The following MEF2C variants were observed in gnomAD, a reference collection of about 807,000 sequenced individuals.
The protein encoded by MEF2C is myocyte enhancer factor 2C.
Under a neutral mutation model 50.5 loss-of-function variants are expected in MEF2C, and 6 were observed. The ratio of observed to expected loss-of-function variants is 0.12; its 90% CI spans 0.07 to 0.23. The LOEUF (loss-of-function observed/expected upper bound fraction) is 0.23, where lower values mean the gene tolerates loss of function less well. MEF2C is among the 10% of genes least tolerant of loss of function. The pLI is 1.00. For missense variants in MEF2C, 276 were observed against 605.0 expected, an observed-to-expected ratio of 0.46 and a Z score of 5.70; for synonymous variants, 183 against 228.0, an observed-to-expected ratio of 0.80 and a Z score of 1.78.
At chr5:88,806,123 T>G (rs1800348808) in intron 2 of MEF2C, among the ~76,000 whole-genome samples, 2 of 152,250 alleles carry the variant, frequency 1.3e-5, no homozygotes, top group South Asian at 4.1e-4. Context: ...TGAGGAGCAC[T>G]TACTATCACT....
chr5:88,738,159 A>G (rs1338232760), intron 6 of MEF2C: 1 of 985,192 alleles, frequency 1.0e-6, no homozygotes. Flanking sequence ...AACCCTACAG[A>G]GCCTTAGTTT....
chr5:88,774,936 C>A (rs1038349498), intron 3 of MEF2C, among the ~76,000 whole-genome samples: 1 of 152,204 alleles, frequency 6.6e-6, no homozygotes, highest in African/African-American at 2.4e-5. Flanking sequence ...TGCTGCAATG[C>A]CACTGTGTGC....
At chr5:88,836,046 A>G (rs920326430) in intron 1 of MEF2C, among the ~76,000 whole-genome samples, 2 of 152,098 alleles carry the variant, frequency 1.3e-5, no homozygotes, top group African/African-American at 4.8e-5. Context: ...TCTCTATTCC[A>G]AACCATTTCT....
At chr5:88,747,980 T>C in intron 6 of MEF2C, 2 of 889,656 alleles carry the variant, frequency 2.2e-6, no homozygotes, top group Non-Finnish European at 2.7e-6. Context: ...CTAATTTGGC[T>C]CGACCTAATT....
At chr5:88,734,561 G>GTTTTTT (rs1554103551) in intron 6 of MEF2C, 52 of 254,356 alleles carry the variant, frequency 2.0e-4, no homozygotes, top group African/African-American at 5.0e-4. Context: ...CTTGAGAAAA[G>GTTTTTT]TTTGTTTTTT....
At chr5:88,859,704 C>T (rs1273098020) in intron 1 of MEF2C, among the ~76,000 whole-genome samples, 5 of 152,252 alleles carry the variant, frequency 3.3e-5, no homozygotes, top group South Asian at 4.1e-4. Context: ...TTGCGCTCAA[C>T]GAGCAAAAAC....
intron 3 of MEF2C, among the ~76,000 whole-genome samples, chr5:88,763,238 G>A (rs574516159): frequency 5.3e-5 from 8 of 152,090 alleles, no homozygotes; most frequent in Non-Finnish European, 1.2e-4. Context: ...TACAATCTTG[G>A]GGAATTTATA....
chr5:88,752,889 T>A (rs967560129), intron 4 of MEF2C: 3 of 398,736 alleles, frequency 7.5e-6, no homozygotes, highest in African/African-American at 6.5e-5. Context: ...TACTTTTTTT[T>A]AAGCATTACG....
intron 1 of MEF2C, among the ~76,000 whole-genome samples, chr5:88,843,810 T>TC (rs1818312433): frequency 2.7e-5 from 4 of 150,430 alleles, no homozygotes; most frequent in Non-Finnish European, 5.9e-5. Flanking sequence ...TGAAACTTTT[T>TC]TTTTTTTTTT....
At position 88,761,223 on chromosome 5, in the gene MEF2C, C is replaced by T; in HGVS notation, c.364G>A (p.Glu122Lys). Residue 122 changes from glutamate to lysine, a missense_variant, in exon 4 of 11, where the codon GAA becomes AAA. Around this residue, in one of 2 missense-constraint regions of MEF2C, gnomAD observed 256 missense variants for 468.1 expected, o/e 0.55. Transcript: ENST00000504921. ...ESEDKYRKINEDIDLMISRQR... is the reference protein window; with the variant it reads ...ESEDKYRKINKDIDLMISRQR... The stretch of plus-strand genomic sequence containing the variant: ...CTGCTGATCATTAGATCAATATCTT[C>T]GTTAATTTTCCTGTACTTGTCCTCA... 6.2e-7 allele frequency: 1 copy of T among 1,613,976 alleles called. No individual in the cohort carries two copies. The highest frequency in any genetic ancestry group is 8.5e-7 in the Non-Finnish European group (1 of 1,179,894).
At chr5:88,903,581 A>T (rs1229144384) in intron 1 of MEF2C, among the ~76,000 whole-genome samples, 1 of 152,096 alleles carries the variant, frequency 6.6e-6, no homozygotes, top group Non-Finnish European at 1.5e-5. Context: ...AAAGATTATG[A>T]CAGAATTAGA....
intron 1 of MEF2C, among the ~76,000 whole-genome samples, chr5:88,896,219 T>C (rs1055012472): frequency 6.6e-6 from 1 of 152,178 alleles, no homozygotes; most frequent in Non-Finnish European, 1.5e-5. Flanking sequence ...AAATTGTACA[T>C]TGCATTACCT....
chr5:88,776,004 T>G (rs1488736164), intron 3 of MEF2C: 1 of 162,486 alleles, frequency 6.2e-6, no homozygotes, highest in African/African-American at 2.4e-5. Flanking sequence ...TGAACCCTTT[T>G]TGTTGATATA....
At chr5:88,819,309 A>T (rs1807114607) in intron 2 of MEF2C, 1 of 982,336 alleles carries the variant, frequency 1.0e-6, no homozygotes, top group Non-Finnish European at 1.2e-6. Context: ...AATATGAGAG[A>T]TCCGGGCTCA....
At position 88,883,086 on chromosome 5, in the gene MEF2C, A is replaced by G. The variant is rs1833461605; in HGVS notation, c.-274T>C. ...TGAAGTGCTTCTCCACCTGATTCAA[A>G]CATGCAGCCACGGCGACCCACACAG... On this transcript the variant is annotated 5_prime_UTR_variant, in exon 1 of 11. Transcript: ENST00000504921. 6.6e-6 allele frequency: 1 copy of G among 152,516 alleles called. No individual in the cohort carries two copies. Among genetic ancestry groups the G allele is most frequent in the Admixed American group, 6.5e-5 (1 of 15,268 alleles). The allele number at this position is 152,516 out of a possible 1,614,324, so 9.4% of individuals were successfully genotyped here. A position where few individuals can be genotyped will look rare whatever the true frequency, so the allele number is the denominator to read the frequency against.
rs1826872447 is a variant in MEF2C at position 88,865,097 on chromosome 5, A to G, written c.-143+17858T>C. The stretch of plus-strand genomic sequence containing the variant: ...AAAAATTTGGAGACTGGATCTCACT[A>G]TGTTGCCCAGGCTGGTCTCAAACTC... On this transcript the variant is annotated intron_variant, in intron 1 of 10. Coordinates refer to ENST00000504921, the MANE Select transcript of MEF2C (RefSeq NM_002397.5). Among the ~76,000 whole-genome samples the G allele has an allele frequency of 2.0e-5, 3 of 152,108 alleles. No homozygotes were observed. In the South Asian group the frequency reaches 6.2e-4, roughly 32 times the overall value.
chr5:88,761,224 G>A lies in MEF2C; in HGVS notation c.363C>T (p.Asn121=), dbSNP rs186648089. 188 of 1,613,928 alleles carry A rather than the reference G, an allele frequency of 1.2e-4. 2 individuals are homozygous for A. In the East Asian group the frequency reaches 1.6e-3, roughly 14 times the overall value. ...TGCTGATCATTAGATCAATATCTTC[G>A]TTAATTTTCCTGTACTTGTCCTCAG... ...PESEDKYRKI[N]EDIDLMISRQ... is the part of the protein sequence containing the mutation. The change falls in exon 4 of 11, where the codon AAC becomes AAT. Residue 121 remains asparagine (N), a synonymous_variant. Transcript: ENST00000504921.
chr5:88,734,565 G>GGT (rs1763121099), intron 6 of MEF2C: 2 of 537,484 alleles, frequency 3.7e-6, no homozygotes, highest in Non-Finnish European at 4.2e-6. Context: ...AGAAAAGTTT[G>GGT]TTTTTTTTTT....
chr5:88,869,282 T>TATATATATATACAC (rs1561420487), intron 1 of MEF2C, among the ~76,000 whole-genome samples: 1 of 86,426 alleles, frequency 1.2e-5, no homozygotes, highest in Non-Finnish European at 2.3e-5. Flanking sequence ...TATATACATA[T>TATATATATATACAC]ATATATATAT....
Sources: gnomAD v4.1 joint callset for allele counts (sites outside exome capture counted in the v4.1 genomes callset) on GRCh38, gnomAD v4.1.1 for gene constraint, gnomAD v4.1.1 regional missense constraint, MANE v1.5 for transcripts, NCBI Gene and HGNC (gene_info 2026-07-23, HGNC 2026-07-21) for gene names.